Variants in TWNK observed in about 807,000 individuals in gnomAD.
The protein encoded by TWNK is T7 gp4-like protein with intramitochondrial nucleoid localization.
TWNK carries 36 observed loss-of-function variants against 58.2 expected under a neutral mutation model. The ratio of observed to expected loss-of-function variants is 0.62; its 90% CI spans 0.47 to 0.82. TWNK has a LOEUF of 0.82. Among genes scored for constraint, TWNK ranks in the 40% least tolerant of loss-of-function variants. TWNK has a pLI of 0.00. For synonymous variants in TWNK, 349 were observed against 348.5 expected, an observed-to-expected ratio of 1.00 and a Z score of -0.02; for missense variants, 714 against 881.0, an observed-to-expected ratio of 0.81 and a Z score of 2.40.
chr10:100,990,873 G>A lies in TWNK; in HGVS notation c.1597G>A (p.Ala533Thr), dbSNP rs139124415. The change falls in exon 4 of 5, where the codon GCA becomes ACA. Residue 533 changes from alanine (A) to threonine (T), a missense_variant. Transcript: ENST00000311916. Reference sequence around the variant, plus strand: ...TGTGTTGTTGGGATGGCGTAGGATCGCAGCTCAAGACTACATCATCGGGGT... The same window carrying A: ...TGTGTTGTTGGGATGGCGTAGGATCACAGCTCAAGACTACATCATCGGGGT... ...GHEQLSTDRI[A>T]AQDYIIGVFR... The A allele has an allele frequency of 3.3e-5, 54 of 1,614,054 alleles. No individual in the cohort carries two copies. Among genetic ancestry groups the A allele is most frequent in the African/African-American group, 2.7e-5 (2 of 74,910 alleles).
chr10:100,989,244 C>T lies in TWNK; in HGVS notation c.1034C>T (p.Ala345Val). Reference sequence around the variant, plus strand: ...GACCAGCAACCCCGTCCCCTGGAGGCCCTGAACGGAGGCTTCAATCTTTCT... The same window carrying T: ...GACCAGCAACCCCGTCCCCTGGAGGTCCTGAACGGAGGCTTCAATCTTTCT... ...PGDQQPRPLE[A>V]LNGGFNLSRI... The change falls in exon 1 of 5, where the codon GCC becomes GTC. Residue 345 changes from alanine to valine, a missense_variant. Transcript: ENST00000311916. The surrounding 1 kb of genome is among the most constrained non-coding windows in gnomAD (Gnocchi z 7.6). 6.2e-7 allele frequency: 1 copy of T among 1,614,202 alleles called. No individual in the cohort carries two copies. Among genetic ancestry groups the T allele is most frequent in the Non-Finnish European group, 8.5e-7 (1 of 1,180,044 alleles).
In TWNK at chr10:100,988,076, A is replaced by G; in HGVS notation, c.-135A>G. On this transcript the variant is annotated 5_prime_UTR_variant, in exon 1 of 5. The change abolishes an upstream ATG in the 5' untranslated region. Transcript: ENST00000311916. This position sits in a 1 kb window ranked among gnomAD's most constrained non-coding sequence, Gnocchi z 5.2. ...TAGAGGGGCTGAAGAGGAGAAATTCATGGAGAGAAAGAATGCACCTAGAGT... is the reference window on the plus strand; with the variant it reads ...TAGAGGGGCTGAAGAGGAGAAATTCGTGGAGAGAAAGAATGCACCTAGAGT... 6 of 1,039,104 alleles carry G rather than the reference A, an allele frequency of 5.8e-6. No individual in the cohort carries two copies. Among genetic ancestry groups the G allele is most frequent in the Non-Finnish European group, 9.0e-6 (6 of 665,280 alleles). 64.4% of individuals were successfully genotyped at this position (1,039,104 alleles called of 1,614,324 possible). A position where few individuals can be genotyped will look rare whatever the true frequency, so the allele number is the denominator to read the frequency against.
intron 3 of TWNK, 74 bp downstream of exon 3, chr10:100,990,617 C>G: frequency 6.2e-7 from 1 of 1,611,780 alleles, no homozygotes; most frequent in Non-Finnish European, 8.5e-7. Flanking sequence ...GGCAGCTGGC[C>G]TCTAGGCACA....
At chr10:100,991,113 A>C in intron 4 of TWNK, 103 bp downstream of exon 4, 1 of 1,558,944 alleles carries the variant, frequency 6.4e-7, no homozygotes, top group Admixed American at 1.7e-5. Context: ...GTCCATCCGA[A>C]CAGGCAGGAG....
At position 100,993,429 on chromosome 10, in the gene TWNK, G is replaced by A. The variant is rs773953603; in HGVS notation, c.1974G>A (p.Gly658=). 3 of 1,614,034 alleles carry A rather than the reference G, an allele frequency of 1.9e-6. No individual in the cohort carries two copies. In the African/African-American group the frequency reaches 4.0e-5, roughly 22 times the overall value. ...AAAAGCCCTCTTCTGGCAAAAAGGGGGCTACGACACAGAACTCTGAGATTT... is the reference window on the plus strand; with the variant it reads ...AAAAGCCCTCTTCTGGCAAAAAGGGAGCTACGACACAGAACTCTGAGATTT... ...VAKKPSSGKK[G]ATTQNSEICS... is the part of the protein sequence containing the mutation. Residue 658 remains glycine (G), a synonymous_variant, in exon 5 of 5, where the codon GGG becomes GGA. Coordinates refer to ENST00000311916, the MANE Select transcript of TWNK (RefSeq NM_021830.5).
rs1172222418 is a variant in TWNK, at chr10:100,988,674, G to A, written c.464G>A (p.Arg155Gln). Residue 155 changes from arginine (R) to glutamine (Q), a missense_variant, in exon 1 of 5, where the codon CGG (arginine) becomes CAG (glutamine). Physicochemically the swap from Arg to Gln is conservative, Grantham distance 43. Around this residue, in one of 3 missense-constraint regions of TWNK, gnomAD observed 348 missense variants for 388.4 expected, o/e 0.90. Transcript: ENST00000311916. This position sits in a 1 kb window ranked among gnomAD's most constrained non-coding sequence, Gnocchi z 5.2. ...APEFEDSEEV[R>Q]RIWNRAIPLW... is the part of the protein sequence containing the mutation. ...GAATTTGAGGACAGCGAGGAGGTCC[G>A]GAGGATCTGGAACCGAGCAATACCT... is the stretch of plus-strand genomic sequence containing the variant. 5 of 1,613,988 alleles carry A rather than the reference G, an allele frequency of 3.1e-6. No homozygotes were observed. Among genetic ancestry groups the A allele is most frequent in the East Asian group, 4.5e-5 (2 of 44,898 alleles).
rs908486981 is a variant in TWNK, at chr10:100,987,608, A to G, written c.-603A>G. On this transcript the variant is annotated 5_prime_UTR_variant, in exon 1 of 5. Coordinates refer to ENST00000311916, the MANE Select transcript of TWNK (RefSeq NM_021830.5). Reference sequence around the variant, plus strand: ...CGTTGCCGGCGAAGTGGGAGAGAGAAAAGTGGTAACCTGGGGCTGGGGGCC... The same window carrying G: ...CGTTGCCGGCGAAGTGGGAGAGAGAGAAGTGGTAACCTGGGGCTGGGGGCC... 1.6e-5 allele frequency: 17 copies of G among 1,050,944 alleles called. No homozygotes were observed. Among genetic ancestry groups the G allele is most frequent in the Admixed American group, 1.4e-4 (5 of 35,428 alleles). The allele number at this position is 1,050,944 out of a possible 1,614,324, so 65.1% of individuals were successfully genotyped here.
chr10:100,991,264 A>G (rs1851765222), intron 4 of TWNK: 2 of 566,752 alleles, frequency 3.5e-6, no homozygotes, highest in Non-Finnish European at 3.1e-6. Context: ...GCAATTCAGT[A>G]TGATAAGAGT....
At position 100,988,185 on chromosome 10, in the gene TWNK, T is replaced by G. The variant is rs1290113608; in HGVS notation, c.-26T>G. Reference sequence around the variant, plus strand: ...AACCAGGCACCTAAGGCATTTCAAGTAGTGACTTCCCACATTTGGCTAGGA... The same window carrying G: ...AACCAGGCACCTAAGGCATTTCAAGGAGTGACTTCCCACATTTGGCTAGGA... On this transcript the variant is annotated 5_prime_UTR_variant, in exon 1 of 5. Coordinates refer to ENST00000311916, the MANE Select transcript of TWNK (RefSeq NM_021830.5). The surrounding 1 kb of genome is among the most constrained non-coding windows in gnomAD (Gnocchi z 5.2). 1 of 1,613,494 alleles carries G rather than the reference T, an allele frequency of 6.2e-7. No individual in the cohort carries two copies. The highest frequency in any genetic ancestry group is 8.5e-7 in the Non-Finnish European group (1 of 1,179,962).
chr10:100,991,093 C>T, intron 4 of TWNK, 83 bp downstream of exon 4: 1 of 1,596,662 alleles, frequency 6.3e-7, no homozygotes, highest in Non-Finnish European at 8.6e-7. Context: ...CAGCCTTAAT[C>T]GTCTTGACTG....
In TWNK at chr10:100,987,639, G is replaced by A; in HGVS notation, c.-572G>A. Reference sequence around the variant, plus strand: ...GTAACCTGGGGCTGGGGGCCGGCGCGGCGGAGCTCGGAGTAGTAGAGCGGA... The same window carrying A: ...GTAACCTGGGGCTGGGGGCCGGCGCAGCGGAGCTCGGAGTAGTAGAGCGGA... On this transcript the variant is annotated 5_prime_UTR_variant, in exon 1 of 5. Coordinates refer to ENST00000311916, the MANE Select transcript of TWNK (RefSeq NM_021830.5). 2.8e-6 allele frequency: 2 copies of A among 724,652 alleles called. No homozygotes were observed. Among genetic ancestry groups the A allele is most frequent in the Non-Finnish European group, 2.2e-6 (1 of 450,664 alleles). 44.9% of individuals were successfully genotyped at this position (724,652 alleles called of 1,614,324 possible).
rs759176256 is a variant in TWNK, at chr10:100,988,689, G to A, written c.479G>A (p.Arg160Gln). Residue 160 changes from arginine to glutamine, a missense_variant, in exon 1 of 5, where the codon CGA becomes CAA. Physicochemically the swap from Arg to Gln is conservative, Grantham distance 43 (BLOSUM62 1). This residue lies in a region of TWNK where 348 missense variants were observed against 388.4 expected (regional missense o/e 0.90). Transcript: ENST00000311916. The surrounding 1 kb of genome is among the most constrained non-coding windows in gnomAD (Gnocchi z 5.2). ...GAGGAGGTCCGGAGGATCTGGAACC[G>A]AGCAATACCTCTCTGGGAGCTGCCT... ...DSEEVRRIWNRAIPLWELPDQ... is the reference protein window; with the variant it reads ...DSEEVRRIWNQAIPLWELPDQ... 17 of 1,614,006 alleles carry A rather than the reference G, an allele frequency of 1.1e-5. No individual in the cohort carries two copies. Among genetic ancestry groups the A allele is most frequent in the Non-Finnish European group, 1.4e-5 (16 of 1,180,016 alleles).
Position 100,993,438 on chromosome 10 carries a change from A to G in TWNK, c.1983A>G (p.Thr661=), listed in dbSNP as rs760735184. The change falls in exon 5 of 5, where the codon ACA becomes ACG. Residue 661 remains threonine (T), a synonymous_variant. Transcript: ENST00000311916. ...KPSSGKKGAT[T]QNSEICSGQA... ...CTTCTGGCAAAAAGGGGGCTACGAC[A>G]CAGAACTCTGAGATTTGCTCAGGCC... is the stretch of plus-strand genomic sequence containing the variant. 6.2e-7 allele frequency: 1 copy of G among 1,614,182 alleles called. No individual in the cohort carries two copies. Among genetic ancestry groups the G allele is most frequent in the Non-Finnish European group, 8.5e-7 (1 of 1,180,044 alleles).
Position 100,989,709 on chromosome 10 carries a change from G to T in TWNK, c.1309G>T (p.Val437Leu). The T allele has an allele frequency of 6.2e-7, 1 of 1,614,190 alleles. No homozygotes were observed. Among genetic ancestry groups the T allele is most frequent in the Non-Finnish European group, 8.5e-7 (1 of 1,180,038 alleles). ...EYALDLCSQG[V>L]NTLWGSFEIS... ...TGCCCTGGATTTGTGTTCCCAGGGG[G>T]TGAACACACTGTGGGGTAGCTTCGA... Residue 437 changes from valine (V) to leucine (L), a missense_variant, in exon 2 of 5, where the codon GTG becomes TTG. Coordinates refer to ENST00000311916, the MANE Select transcript of TWNK (RefSeq NM_021830.5). This position sits in a 1 kb window ranked among gnomAD's most constrained non-coding sequence, Gnocchi z 7.6.
rs1851846644 is a variant in TWNK at position 100,993,577 on chromosome 10, G to A, written c.*67G>A. ...AGGCTGGAGCATAAAACTCTGCAAG[G>A]GCTCCTCTATCCTGTGGTCCTGAGC... On this transcript the variant is annotated 3_prime_UTR_variant, in exon 5 of 5. Transcript: ENST00000311916. The A allele has an allele frequency of 1.3e-6, 2 of 1,544,674 alleles. No homozygotes were observed. The highest frequency in any genetic ancestry group is 1.8e-6 in the Non-Finnish European group (2 of 1,126,928).
At position 100,989,670 on chromosome 10, in the gene TWNK, T is replaced by C. The variant is rs1356896874; in HGVS notation, c.1270T>C (p.Phe424Leu). 3 of 1,614,044 alleles carry C rather than the reference T, an allele frequency of 1.9e-6. No homozygotes were observed. Among genetic ancestry groups the C allele is most frequent in the Non-Finnish European group, 2.5e-6 (3 of 1,180,050 alleles). Residue 424 changes from phenylalanine to leucine, a missense_variant, in exon 2 of 5, where the codon TTC becomes CTC. By Grantham distance (22) the Phe-to-Leu change is conservative. Transcript: ENST00000311916. The surrounding 1 kb of genome is among the most constrained non-coding windows in gnomAD (Gnocchi z 7.6). Reference sequence around the variant, plus strand: ...GCCAACAGGCAGTGGAAAGACGACATTCATCAGTGAGTATGCCCTGGATTT... The same window carrying C: ...GCCAACAGGCAGTGGAAAGACGACACTCATCAGTGAGTATGCCCTGGATTT... ...TGPTGSGKTT[F>L]ISEYALDLCS... is the part of the protein sequence containing the mutation.
rs146532064 is a variant in TWNK, at chr10:100,988,772, G to A, written c.562G>A (p.Asp188Asn). The A allele has an allele frequency of 3.1e-6, 5 of 1,614,042 alleles. No homozygotes were observed. The African/African-American group carries it at 4.0e-5, about 13-fold the overall frequency. ...GTTTGGCCTTACCAAGGTTACAGAT[G>A]ACACACTCAAGCGTTTCAGTGTGCG... ...TMFGLTKVTD[D>N]TLKRFSVRYL... The change falls in exon 1 of 5, where the codon GAC (aspartate) becomes AAC (asparagine). Residue 188 changes from aspartate (D) to asparagine (N), a missense_variant. Physicochemically the swap from Asp to Asn is conservative, Grantham distance 23. Transcript: ENST00000311916. The surrounding 1 kb of genome is among the most constrained non-coding windows in gnomAD (Gnocchi z 5.2).
rs752613820 is a variant in TWNK, at chr10:100,988,408, G to A, written c.198G>A (p.Gly66=). 46 of 1,614,270 alleles carry A rather than the reference G, an allele frequency of 2.8e-5. No homozygotes were observed. The Middle Eastern group carries it at 6.6e-4, about 23-fold the overall frequency. ...CTGAAATCCGCCAGTATTTGCGGGG[G>A]CATGGGATCCCCTTCCAGGATGGTC... ...TATEIRQYLR[G]HGIPFQDGHS... The change falls in exon 1 of 5, where the codon GGG becomes GGA. Residue 66 remains glycine, a synonymous_variant. Coordinates refer to ENST00000311916, the MANE Select transcript of TWNK (RefSeq NM_021830.5). This position sits in a 1 kb window ranked among gnomAD's most constrained non-coding sequence, Gnocchi z 5.2.
chr10:100,989,811 TATG>T lies in TWNK; in HGVS notation c.1414_1416del (p.Asp472del). 1.9e-6 allele frequency: 3 copies of T among 1,614,142 alleles called. No homozygotes were observed. Among genetic ancestry groups the T allele is most frequent in the East Asian group, 2.2e-5 (1 of 44,872 alleles). ...GCGGCTGGAAGATCAACTGGACAAA[TATG>T]ATCACTGGGCTGACCGCTTTGAGGA... On this transcript the variant is annotated inframe_deletion, in exon 2 of 5. Transcript: ENST00000311916. This position sits in a 1 kb window ranked among gnomAD's most constrained non-coding sequence, Gnocchi z 7.6.
Sources: allele counts gnomAD v4.1 joint callset, GRCh38; gene constraint gnomAD v4.1.1; regional missense constraint gnomAD v4.1.1; non-coding constraint Gnocchi (gnomAD v3.1); transcripts MANE v1.5; gene names NCBI Gene and HGNC (gene_info 2026-07-23, HGNC 2026-07-21).